CASTOR2: variants seen among roughly 807,000 people sequenced by gnomAD.
CASTOR2 encodes cytosolic arginine sensor for mTORC1 subunit 2, also known as GATS protein like 2.
In CASTOR2, 8 loss-of-function variants were observed where a neutral mutation model predicts 31.2. The ratio of observed to expected loss-of-function variants is 0.26; its 90% CI spans 0.15 to 0.46. The LOEUF is 0.46. Ranked by LOEUF, CASTOR2 falls within the 20% of genes least tolerant of loss-of-function variation. The pLI, the probability that CASTOR2 is intolerant of heterozygous loss-of-function variation, is 0.99. For synonymous variants in CASTOR2, 162 were observed against 158.7 expected, an observed-to-expected ratio of 1.02 and a Z score of -0.16; for missense variants, 216 against 382.1, an observed-to-expected ratio of 0.57 and a Z score of 3.62.
intron 1 of CASTOR2, among the ~76,000 whole-genome samples, chr7:75,003,210 GC>G (rs1271853696): frequency 2.0e-5 from 3 of 152,218 alleles, no homozygotes; most frequent in African/African-American, 7.2e-5. Context: ...ACTTTGGGAG[GC>G]CAAGGCAGAA....
chr7:74,992,948 C>T (rs2131932472), intron 1 of CASTOR2, among the ~76,000 whole-genome samples: 1 of 152,082 alleles, frequency 6.6e-6, no homozygotes, highest in East Asian at 2.0e-4. Flanking sequence ...GGCCTGTAAT[C>T]CCAGCACTTT....
At chr7:74,978,065 T>A (rs1191074379) in intron 1 of CASTOR2, among the ~76,000 whole-genome samples, 1 of 150,214 alleles carries the variant, frequency 6.7e-6, no homozygotes, top group Non-Finnish European at 1.5e-5. Flanking sequence ...CTGAGCTAGA[T>A]CTCTGCTTAA....
intron 1 of CASTOR2, among the ~76,000 whole-genome samples, chr7:74,984,007 C>A (rs1804007795): frequency 6.6e-6 from 1 of 151,002 alleles, no homozygotes; most frequent in African/African-American, 2.4e-5. Flanking sequence ...GCCTCAAACT[C>A]CTGGCCTCAA....
intron 1 of CASTOR2, among the ~76,000 whole-genome samples, chr7:75,003,247 G>A (rs1422339581): frequency 6.6e-6 from 1 of 152,162 alleles, no homozygotes; most frequent in African/African-American, 2.4e-5. Flanking sequence ...AGGAGTGCAA[G>A]ACCAGTCGGG....
At position 75,024,631 on chromosome 7, in the gene CASTOR2, C is replaced by T; in HGVS notation, c.925-3C>T. Reference sequence around the variant, plus strand: ...GGCATCTGCCTCCTCTACCCCTGCACAGGTCCCCGAAGAGAACATCAATGG... The same window carrying T: ...GGCATCTGCCTCCTCTACCCCTGCATAGGTCCCCGAAGAGAACATCAATGG... On this transcript the variant is annotated splice_region_variant and splice_polypyrimidine_tract_variant and intron_variant, in intron 8 of 8. Coordinates refer to ENST00000616305, the MANE Select transcript of CASTOR2 (RefSeq NM_001145064.3). 2.6e-6 allele frequency: 4 copies of T among 1,551,580 alleles called. No homozygotes were observed. The highest frequency in any genetic ancestry group is 3.5e-6 in the Non-Finnish European group (4 of 1,146,840).
Position 74,982,293 on chromosome 7 carries a change from C to T in CASTOR2, c.113+17195C>T, listed in dbSNP as rs1554436351. Among the ~76,000 whole-genome samples the T allele has an allele frequency of 2.7e-5, 4 of 146,638 alleles. No individual in the cohort carries two copies. The South Asian group carries it at 8.8e-4, about 32-fold the overall frequency. On this transcript the variant is annotated intron_variant, in intron 1 of 8. Transcript: ENST00000616305. ...GTGCCCACTCCCCTGCATGCAGGAG[C>T]TGGATCTCTGCTTCACTCTTCCCCT...
chr7:75,020,021 G>C lies in CASTOR2; in HGVS notation c.636-18G>C. 1.3e-6 allele frequency: 2 copies of C among 1,550,658 alleles called. No homozygotes were observed. Among genetic ancestry groups the C allele is most frequent in the South Asian group, 2.4e-5 (2 of 84,032 alleles). ...GGCCACAGGGGCCCCATCTTTACCA[G>C]CTGCCTCTGGTCCCCAGAGTGAAGG... On this transcript the variant is annotated intron_variant, in intron 5 of 8. Coordinates refer to ENST00000616305, the MANE Select transcript of CASTOR2 (RefSeq NM_001145064.3).
At chr7:74,999,002 T>G (rs1804425078) in intron 1 of CASTOR2, among the ~76,000 whole-genome samples, 1 of 151,924 alleles carries the variant, frequency 6.6e-6, no homozygotes, top group Non-Finnish European at 1.5e-5. Context: ...CTATCTTTTT[T>G]TTTTGTTTTT....
At chr7:74,990,715 T>C (rs1231612386) in intron 1 of CASTOR2, among the ~76,000 whole-genome samples, 152,253 of 152,298 alleles carry the variant, frequency 1, 76,105 homozygotes, top group Middle Eastern at 1. Context: ...ATTAGCCAGG[T>C]GTGGTGGTGG....
chr7:74,974,269 G>A (rs1362442905), intron 1 of CASTOR2, among the ~76,000 whole-genome samples: 1 of 147,562 alleles, frequency 6.8e-6, no homozygotes. Flanking sequence ...GTCCTGTGGC[G>A]GGTGCAAATT....
chr7:74,980,692 C>T (rs1350614231), intron 1 of CASTOR2, among the ~76,000 whole-genome samples: 1 of 138,768 alleles, frequency 7.2e-6, no homozygotes, highest in Non-Finnish European at 1.5e-5. Context: ...GCACATCTGA[C>T]AATTGCAGGA....
rs369879917 is a variant in CASTOR2 at position 74,976,531 on chromosome 7, TCTCCTCCTCCTCCTC to T, written c.113+11458_113+11472del. ...GCCTGGACAACATAATGAGACCCTG[TCTCCTCCTCCTCCTC>T]CTCCTCCTCCTCCTCCTCCTCCTCA... On this transcript the variant is annotated intron_variant, in intron 1 of 8. Transcript: ENST00000616305. 4.2e-4 allele frequency among the ~76,000 whole-genome samples: 50 copies of T among 118,892 alleles called. 2 individuals carry two copies. The highest frequency in any genetic ancestry group is 5.8e-4 in the South Asian group (2 of 3,430). The allele number at this position is 118,892 out of a possible 152,430, so 78.0% of individuals were successfully genotyped here. A position where few individuals can be genotyped will look rare whatever the true frequency, so the allele number is the denominator to read the frequency against.
intron 2 of CASTOR2, among the ~76,000 whole-genome samples, chr7:75,008,932 G>C (rs1804665956): frequency 6.6e-6 from 1 of 152,090 alleles, no homozygotes; most frequent in South Asian, 2.1e-4. Context: ...CTGCACTCCA[G>C]CCTGGGCAAC....
intron 2 of CASTOR2, among the ~76,000 whole-genome samples, 174 bp from the exon 3 acceptor site, chr7:75,017,424 C>T (rs1363481224): frequency 1.3e-5 from 2 of 151,802 alleles, no homozygotes; most frequent in African/African-American, 2.4e-5. Flanking sequence ...GCACTCCAGC[C>T]GGGCGACAGA....
At chr7:74,979,039 C>A (rs1803890721) in intron 1 of CASTOR2, among the ~76,000 whole-genome samples, 1 of 151,746 alleles carries the variant, frequency 6.6e-6, no homozygotes, top group Non-Finnish European at 1.5e-5. Flanking sequence ...TAGTGGCGTG[C>A]ACCTGTGGTC....
intron 7 of CASTOR2, among the ~76,000 whole-genome samples, chr7:75,023,307 CA>C (rs1805049326): frequency 6.7e-6 from 1 of 148,680 alleles, no homozygotes; most frequent in Non-Finnish European, 1.5e-5. Flanking sequence ...GAGTCCACCT[CA>C]AAAAAAGAAA....
rs1805265067 is a variant in CASTOR2, at chr7:75,030,257, TAG to T, written c.*5561_*5562del. On this transcript the variant is annotated 3_prime_UTR_variant, in exon 9 of 9. Transcript: ENST00000616305. ...TGAGCGTGGATGTGTTCCTATGCAT[TAG>T]AGTGTGTGCGTGCACGTGTGCAGAG... is the stretch of plus-strand genomic sequence containing the variant. 2.0e-5 allele frequency among the ~76,000 whole-genome samples: 3 copies of T among 152,348 alleles called. No homozygotes were observed. Among genetic ancestry groups the T allele is most frequent in the Admixed American group, 6.5e-5 (1 of 15,308 alleles).
intron 1 of CASTOR2, among the ~76,000 whole-genome samples, chr7:74,990,395 C>A (rs868976955): frequency 0.011 from 1,464 of 133,114 alleles, 12 homozygotes; most frequent in Middle Eastern, 0.03. Flanking sequence ...AAAAAAAAAA[C>A]AAAAACAAAA....
chr7:75,015,820 C>G (rs1804851215), intron 2 of CASTOR2, among the ~76,000 whole-genome samples: 1 of 151,986 alleles, frequency 6.6e-6, no homozygotes, highest in Non-Finnish European at 1.5e-5. Flanking sequence ...TAATCCCAGC[C>G]CTTTGAGAGG....
Sources: allele counts gnomAD v4.1 joint callset (sites outside exome capture counted in the v4.1 genomes callset), GRCh38; gene constraint gnomAD v4.1.1; transcripts MANE v1.5; gene names NCBI Gene and HGNC (gene_info 2026-07-23, HGNC 2026-07-21).